The following SNTG1 variants were observed in gnomAD, a reference collection of about 807,000 sequenced individuals.
SNTG1 encodes syntrophin gamma 1.
A neutral mutation model predicts 74.7 loss-of-function variants in SNTG1; 39 were observed. That is an observed-to-expected ratio of 0.52 (90% CI 0.40 to 0.68). SNTG1 has a LOEUF of 0.68. Among genes scored for constraint, SNTG1 ranks in the 30% least tolerant of loss-of-function variants. SNTG1 has a pLI of 0.00. For synonymous variants in SNTG1, 254 were observed against 217.1 expected (o/e 1.17, Z -1.49); for missense variants, 685 against 609.5 (o/e 1.12, Z -1.30).
intron 15 of SNTG1, among the ~76,000 whole-genome samples, chr8:50,660,688 C>G (rs561959182): frequency 6.6e-6 from 1 of 152,228 alleles, no homozygotes; most frequent in South Asian, 2.1e-4. Flanking sequence ...GCTGCATGAT[C>G]TTTTAAATCC....
At chr8:50,604,621 G>A (rs2094799330) in intron 13 of SNTG1, among the ~76,000 whole-genome samples, 1 of 151,986 alleles carries the variant, frequency 6.6e-6, no homozygotes, top group South Asian at 2.1e-4. Context: ...ATGCTGCCAG[G>A]CCTTGGAGTC....
chr8:50,016,809 A>T (rs1013641220), intron 1 of SNTG1, among the ~76,000 whole-genome samples: 1 of 152,184 alleles, frequency 6.6e-6, no homozygotes, highest in Admixed American at 6.6e-5. Flanking sequence ...AACCACATTT[A>T]TTTAAGAATG....
chr8:50,791,748 C>T (rs73677529), intron 18 of SNTG1, among the ~76,000 whole-genome samples: 3,026 of 151,710 alleles, frequency 0.02, 96 homozygotes, highest in African/African-American at 0.065. Flanking sequence ...CCTCTAGTTA[C>T]CCTCCTTGTG....
At chr8:50,540,429 G>A (rs1228055337) in intron 11 of SNTG1, among the ~76,000 whole-genome samples, 1 of 151,874 alleles carries the variant, frequency 6.6e-6, no homozygotes, top group African/African-American at 2.4e-5. Context: ...CGTTATTTTG[G>A]GAAATGTTTT....
chr8:50,222,893 CTT>C (rs1440111058), intron 2 of SNTG1, among the ~76,000 whole-genome samples: 1 of 152,080 alleles, frequency 6.6e-6, no homozygotes, highest in East Asian at 1.9e-4. Context: ...TGTAAAAACT[CTT>C]TTCAAATGCA....
chr8:50,646,496 G>C (rs1288539961), intron 13 of SNTG1, among the ~76,000 whole-genome samples: 1 of 152,076 alleles, frequency 6.6e-6, no homozygotes, highest in Non-Finnish European at 1.5e-5. Context: ...AAATTTGTGG[G>C]TTTGTTTTAA....
intron 13 of SNTG1, among the ~76,000 whole-genome samples, chr8:50,619,324 CTA>C (rs2094905418): frequency 2.0e-5 from 3 of 152,162 alleles, no homozygotes; most frequent in African/African-American, 4.8e-5. Flanking sequence ...TCTGGAGTAC[CTA>C]TATATGCTTA....
chr8:50,179,328 G>C (rs2131702284), intron 2 of SNTG1, among the ~76,000 whole-genome samples: 1 of 152,182 alleles, frequency 6.6e-6, no homozygotes, highest in African/African-American at 2.4e-5. Flanking sequence ...ATGTTTTTCT[G>C]TTCCTGTGAA....
chr8:50,726,361 T>C (rs1449041638), intron 17 of SNTG1, among the ~76,000 whole-genome samples: 4 of 152,216 alleles, frequency 2.6e-5, no homozygotes, highest in African/African-American at 9.6e-5. Context: ...TAAGGAGTTA[T>C]GATTTTCCTG....
At chr8:50,449,799 G>T in intron 6 of SNTG1, 74 bp downstream of exon 6, 1 of 1,277,908 alleles carries the variant, frequency 7.8e-7, no homozygotes, top group Non-Finnish European at 1.1e-6. Context: ...TGATATTCAA[G>T]AATCCTAAAT....
chr8:50,448,859 C>A lies in SNTG1; in HGVS notation c.220-809C>A, dbSNP rs901368112. Among the ~76,000 whole-genome samples, 5 of 150,278 alleles carry A rather than the reference C, an allele frequency of 3.3e-5. No individual in the cohort carries two copies. The South Asian group carries it at 8.6e-4, about 26-fold the overall frequency. On this transcript the variant is annotated intron_variant, in intron 5 of 18. Transcript: ENST00000642720. ...ACTATCCTGGCTAACATGGTGAAAC[C>A]CCGTCTCTACTAAAAATACAAAAAT...
chr8:50,424,862 C>A (rs1306947068), intron 4 of SNTG1, among the ~76,000 whole-genome samples: 2 of 152,080 alleles, frequency 1.3e-5, no homozygotes, highest in African/African-American at 4.8e-5. Context: ...AAGATGGAAA[C>A]ATAATTATGC....
At chr8:50,777,673 TTC>T (rs764350842) in intron 18 of SNTG1, among the ~76,000 whole-genome samples, 43 of 151,676 alleles carry the variant, frequency 2.8e-4, no homozygotes, top group Admixed American at 6.6e-4. Flanking sequence ...TTTTCTTTTT[TTC>T]TCTCTCTCTC....
intron 2 of SNTG1, among the ~76,000 whole-genome samples, chr8:50,240,464 A>G (rs1489919407): frequency 6.6e-6 from 1 of 152,210 alleles, no homozygotes; most frequent in South Asian, 2.1e-4. Flanking sequence ...AATAATTTAA[A>G]TTTTACGAAC....
intron 2 of SNTG1, among the ~76,000 whole-genome samples, chr8:50,300,800 A>G (rs1272350160): frequency 6.6e-6 from 1 of 152,118 alleles, no homozygotes; most frequent in Non-Finnish European, 1.5e-5. Context: ...CTTGGAATGT[A>G]TTTAATTTGC....
At position 50,656,965 on chromosome 8, in the gene SNTG1, G is replaced by A. The variant is rs780558191; in HGVS notation, c.906G>A (p.Val302=). 6 of 1,598,784 alleles carry A rather than the reference G, an allele frequency of 3.8e-6. No individual in the cohort carries two copies. The highest frequency in any genetic ancestry group is 5.1e-6 in the Non-Finnish European group (6 of 1,172,732). ...AGCAAGACCCCCTCCAGGACAGAGTGTACTCCCCGACCTTCCTGGCCCTGA... is the reference window on the plus strand; with the variant it reads ...AGCAAGACCCCCTCCAGGACAGAGTATACTCCCCGACCTTCCTGGCCCTGA... ...AREQDPLQDR[V]YSPTFLALRG... Residue 302 remains valine (V), a synonymous_variant, in exon 14 of 19, where the codon GTG becomes GTA. Coordinates refer to ENST00000642720, the MANE Select transcript of SNTG1 (RefSeq NM_018967.5).
intron 2 of SNTG1, among the ~76,000 whole-genome samples, chr8:50,229,393 G>A (rs1241628959): frequency 1.3e-5 from 2 of 150,802 alleles, no homozygotes; most frequent in Non-Finnish European, 3.0e-5. Context: ...TTAACTAAAA[G>A]GATAGAGAAA....
chr8:50,410,452 T>C (rs1054610454), intron 4 of SNTG1, among the ~76,000 whole-genome samples: 1 of 152,216 alleles, frequency 6.6e-6, no homozygotes, highest in African/African-American at 2.4e-5. Context: ...TTAATGAGAT[T>C]GCATTCTTCT....
intron 1 of SNTG1, among the ~76,000 whole-genome samples, chr8:50,082,969 G>A (rs1005945145): frequency 6.6e-6 from 1 of 151,932 alleles, no homozygotes; most frequent in Non-Finnish European, 1.5e-5. Context: ...TTTTTCAATT[G>A]CCACTGAGAT....
Sources: allele counts gnomAD v4.1 joint callset (sites outside exome capture counted in the v4.1 genomes callset), GRCh38; gene constraint gnomAD v4.1.1; transcripts MANE v1.5; gene names NCBI Gene and HGNC (gene_info 2026-07-23, HGNC 2026-07-21).